The following TNS3 variants were observed in gnomAD, a reference collection of about 807,000 sequenced individuals.
TNS3 encodes the protein tensin 3, also known as tensin-3.
A neutral mutation model predicts 140.9 loss-of-function variants in TNS3; 45 were observed. The ratio of observed to expected loss-of-function variants is 0.32; its 90% confidence interval spans 0.25 to 0.41. The LOEUF is 0.41. Ranked by LOEUF, TNS3 falls within the 10% of genes least tolerant of loss-of-function variation. The probability of loss-of-function intolerance (pLI) is 1.00; values close to 1 mark genes in which losing one functional copy is unlikely to be tolerated. For missense variants in TNS3, 1,716 were observed against 1,906.7 expected, an observed-to-expected ratio of 0.90 and a Z score of 1.86; for synonymous variants, 815 against 788.4, an observed-to-expected ratio of 1.03 and a Z score of -0.56.
intron 1 of TNS3, among the ~76,000 whole-genome samples, chr7:47,577,413 C>T (rs1009743283): frequency 6.6e-6 from 1 of 152,138 alleles, no homozygotes; most frequent in South Asian, 2.1e-4. Context: ...CCTTGGGGTC[C>T]GAGGAAGCAG....
intron 1 of TNS3, among the ~76,000 whole-genome samples, chr7:47,535,373 A>G (rs922329098): frequency 6.6e-6 from 1 of 151,994 alleles, no homozygotes; most frequent in African/African-American, 2.4e-5. Context: ...CACTGTTGCG[A>G]GGGCTCAGCC....
intron 10 of TNS3, 92 bp downstream of exon 10, chr7:47,424,009 T>G (rs1794514936): frequency 1.6e-6 from 2 of 1,268,622 alleles, no homozygotes; most frequent in African/African-American, 2.9e-5. Flanking sequence ...CATTTAGGTG[T>G]CGGGACAGAG....
chr7:47,308,089 T>A (rs1190367764), intron 20 of TNS3, among the ~76,000 whole-genome samples: 1 of 152,238 alleles, frequency 6.6e-6, no homozygotes, highest in African/African-American at 2.4e-5. Context: ...ACTATAAACA[T>A]AAGCCTATGA....
In TNS3 at chr7:47,567,309, A is replaced by G. The variant is rs138461077; in HGVS notation, c.-265+14742T>C. Among the ~76,000 whole-genome samples the G allele has an allele frequency of 3.7e-4, 56 of 152,356 alleles. 2 individuals carry two copies. The East Asian group carries it at 0.011, about 29-fold the overall frequency. On this transcript the variant is annotated intron_variant, in intron 1 of 30. Coordinates refer to ENST00000311160, the MANE Select transcript of TNS3 (RefSeq NM_022748.12). ...CAAACTCACAGGATACAAGGTAAACATACAAAAGTCAATTGCATTTCTATG... is the reference window on the plus strand; with the variant it reads ...CAAACTCACAGGATACAAGGTAAACGTACAAAAGTCAATTGCATTTCTATG...
At position 47,407,015 on chromosome 7, in the gene TNS3, A is replaced by C. The variant is rs1295294882; in HGVS notation, c.723+4712T>G. Among the ~76,000 whole-genome samples the C allele has an allele frequency of 1.3e-5, 2 of 152,104 alleles. No individual in the cohort carries two copies. Among genetic ancestry groups the C allele is most frequent in the African/African-American group, 4.8e-5 (2 of 41,424 alleles). On this transcript the variant is annotated intron_variant, in intron 13 of 30. Coordinates refer to ENST00000311160, the MANE Select transcript of TNS3 (RefSeq NM_022748.12). This position sits in a 1 kb window ranked among gnomAD's most constrained non-coding sequence, Gnocchi z 4.1. ...TGCACACCCTCAGAACACCCAGAAG[A>C]AGCATGAACGGGAGGAGGGGATGGC...
In TNS3 at chr7:47,551,144, G is replaced by A. The variant is rs796440302; in HGVS notation, c.-264-21997C>T. Among the ~76,000 whole-genome samples, 24 of 152,298 alleles carry A rather than the reference G, an allele frequency of 1.6e-4. 1 individual carries two copies. Among genetic ancestry groups the A allele is most frequent in the African/African-American group, 5.5e-4 (23 of 41,552 alleles). ...CGGTTCCTTCAGGAAGCATCTCCTC[G>A]GAGTGCCCCTGCTTCTTTCTCAAAT... On this transcript the variant is annotated intron_variant, in intron 1 of 30. Transcript: ENST00000311160.
At chr7:47,374,721 C>T (rs1212989139) in intron 16 of TNS3, among the ~76,000 whole-genome samples, 1 of 152,180 alleles carries the variant, frequency 6.6e-6, no homozygotes, top group Admixed American at 6.5e-5. Flanking sequence ...AGAATACCCT[C>T]CTTAACTGAT....
At chr7:47,485,949 G>A (rs1415074718) in intron 3 of TNS3, among the ~76,000 whole-genome samples, 1 of 151,716 alleles carries the variant, frequency 6.6e-6, no homozygotes, top group Non-Finnish European at 1.5e-5. Flanking sequence ...TGTGTGTGTG[G>A]ATGAGTGTGA....
intron 1 of TNS3, among the ~76,000 whole-genome samples, chr7:47,575,844 AAGC>A (rs1407327913): frequency 1.4e-5 from 2 of 148,082 alleles, no homozygotes; most frequent in South Asian, 4.2e-4. Context: ...AAAAAAAAAA[AAGC>A]AGCAAAAATA....
chr7:47,481,591 C>A (rs1797420767), intron 3 of TNS3: 2 of 911,520 alleles, frequency 2.2e-6, no homozygotes, highest in Non-Finnish European at 2.6e-6. Flanking sequence ...ACACAAGGGG[C>A]CATCTTTTCT....
intron 20 of TNS3, among the ~76,000 whole-genome samples, chr7:47,309,134 T>G (rs948395125): frequency 6.6e-6 from 1 of 152,240 alleles, no homozygotes; most frequent in Non-Finnish European, 1.5e-5. Context: ...CAGGGATCGT[T>G]GTCTTTCACT....
intron 13 of TNS3, among the ~76,000 whole-genome samples, chr7:47,404,228 G>A (rs1174437158): frequency 1.3e-5 from 2 of 152,230 alleles, no homozygotes; most frequent in Non-Finnish European, 2.9e-5. Context: ...GTACGTGGGT[G>A]TGATGTTGAC....
At chr7:47,468,619 C>T (rs935783459) in intron 4 of TNS3, among the ~76,000 whole-genome samples, 17 of 152,092 alleles carry the variant, frequency 1.1e-4, no homozygotes, top group African/African-American at 4.1e-4. Context: ...ACATCCCATG[C>T]TTATGAATTA....
intron 1 of TNS3, among the ~76,000 whole-genome samples, chr7:47,574,649 C>CACACACACACACACACACA (rs1314030341): frequency 7.4e-6 from 1 of 134,878 alleles, no homozygotes; most frequent in African/African-American, 2.7e-5. Flanking sequence ...ACACACACAC[C>CACACACACACACACACACA]CCCACACACA....
At position 47,411,811 on chromosome 7, in the gene TNS3, TG is replaced by T. The variant is rs1562706424; in HGVS notation, c.648-10del. Reference sequence around the variant, plus strand: ...TTTCTGGGCCAACGTTGCTTTGGGATGAAGAAGAAGGTAGATCATTATGCAA... The same window carrying T: ...TTTCTGGGCCAACGTTGCTTTGGGATAAGAAGAAGGTAGATCATTATGCAA... On this transcript the variant is annotated splice_polypyrimidine_tract_variant and intron_variant, in intron 12 of 30. Coordinates refer to ENST00000311160, the MANE Select transcript of TNS3 (RefSeq NM_022748.12). The T allele has an allele frequency of 6.2e-7, 1 of 1,612,680 alleles. No homozygotes were observed. The highest frequency in any genetic ancestry group is 1.7e-5 in the Admixed American group (1 of 59,914).
At chr7:47,355,769 C>G (rs1193516897) in intron 17 of TNS3, among the ~76,000 whole-genome samples, 1 of 152,014 alleles carries the variant, frequency 6.6e-6, no homozygotes, top group Non-Finnish European at 1.5e-5. Flanking sequence ...TTATGTTGAC[C>G]CTGAGCTGTG....
intron 4 of TNS3, among the ~76,000 whole-genome samples, chr7:47,448,168 G>A (rs62446325): frequency 0.061 from 9,358 of 152,288 alleles, 352 homozygotes; most frequent in Non-Finnish European, 0.087. Flanking sequence ...GCCACCACCC[G>A]GGCAGGAGTA....
At chr7:47,533,226 A>G (rs232359) in intron 1 of TNS3, among the ~76,000 whole-genome samples, 139,722 of 145,790 alleles carry the variant, frequency 0.96, 67,255 homozygotes, top group East Asian at 1. Context: ...TCTGCCTCCC[A>G]AGTTCAAGCA....
rs751219850 is a variant in TNS3, at chr7:47,283,682, C to T, written c.4097+15G>A. 1 of 1,536,658 alleles carries T rather than the reference C, an allele frequency of 6.5e-7. No homozygotes were observed. Among genetic ancestry groups the T allele is most frequent in the Non-Finnish European group, 8.8e-7 (1 of 1,141,200 alleles). On this transcript the variant is annotated intron_variant, in intron 28 of 30. Transcript: ENST00000311160. ...GCCCCTGCTGGACGGCTCCTGCCTC[C>T]CTCTAGGCACTCACTTCCTCTGATT...
Sources: allele counts gnomAD v4.1 joint callset (sites outside exome capture counted in the v4.1 genomes callset), GRCh38; gene constraint gnomAD v4.1.1; non-coding constraint Gnocchi (gnomAD v3.1); transcripts MANE v1.5; gene names NCBI Gene and HGNC (gene_info 2026-07-23, HGNC 2026-07-21).